Variants in ZNF808 observed in about 807,000 individuals in gnomAD.
ZNF808 encodes zinc finger protein 808.
ZNF808 carries 5 observed loss-of-function variants against 8.7 expected under a neutral mutation model. The ratio of observed to expected loss-of-function variants is 0.58; its 90% CI spans 0.30 to 1.21. The LOEUF (loss-of-function observed/expected upper bound fraction) is 1.21, where lower values mean the gene tolerates loss of function less well. ZNF808 is among the 50% of genes most tolerant of loss of function. The probability of loss-of-function intolerance (pLI) is 0.07; values close to 1 mark genes in which losing one functional copy is unlikely to be tolerated. For missense variants in ZNF808, 1,103 were observed against 1,098.4 expected (o/e 1.00, Z -0.06); for synonymous variants, 380 against 366.0 (o/e 1.04, Z -0.44).
chr19:52,558,994 G>A (rs1407183920), downstream of ZNF808, among the ~76,000 whole-genome samples: 2 of 152,176 alleles, frequency 1.3e-5, no homozygotes, highest in Non-Finnish European at 2.9e-5. Context: ...CACTGCGAAA[G>A]GCCGCAGGAA....
At chr19:52,539,681 G>A (rs2059651755) in intron 2 of ZNF808, among the ~76,000 whole-genome samples, 1 of 149,998 alleles carries the variant, frequency 6.7e-6, no homozygotes. Flanking sequence ...AGCCTCCTGA[G>A]TAGTTATGAT....
At chr19:52,550,147 G>C (rs901296459) in intron 4 of ZNF808, among the ~76,000 whole-genome samples, 1 of 152,026 alleles carries the variant, frequency 6.6e-6, no homozygotes, top group African/African-American at 2.4e-5. Flanking sequence ...CTTACCTTAT[G>C]TGCAAACTGG....
chr19:52,546,840 C>T lies in ZNF808; in HGVS notation c.64-672C>T, dbSNP rs546835480. On this transcript the variant is annotated intron_variant, in intron 3 of 4. Transcript: ENST00000359798. ...TGTATTTTCAGTAGAGATGTGGTTT[C>T]GCCATGTTGGCCAGGAAGGTCTTGA... Among the ~76,000 whole-genome samples the T allele has an allele frequency of 3.4e-4, 52 of 150,952 alleles. 1 individual carries two copies. In the South Asian group the frequency reaches 7.1e-3, roughly 21 times the overall value.
chr19:52,542,116 G>A (rs1389046998), intron 2 of ZNF808, among the ~76,000 whole-genome samples: 4 of 150,160 alleles, frequency 2.7e-5, no homozygotes. Flanking sequence ...TTTTTGAGAC[G>A]AATTTTCACT....
At chr19:52,536,312 G>T (rs1243419074) in intron 2 of ZNF808, among the ~76,000 whole-genome samples, 1 of 152,066 alleles carries the variant, frequency 6.6e-6, no homozygotes, top group Non-Finnish European at 1.5e-5. Context: ...ACCCTGTGCT[G>T]ACTCCACCCA....
At chr19:52,531,667 G>T (rs1359438023) in intron 1 of ZNF808, among the ~76,000 whole-genome samples, 1 of 152,004 alleles carries the variant, frequency 6.6e-6, no homozygotes, top group Non-Finnish European at 1.5e-5. Context: ...TCATATTTTT[G>T]ATGTTTTTAT....
intron 3 of ZNF808, among the ~76,000 whole-genome samples, chr19:52,562,076 A>G (rs1291959941): frequency 6.6e-6 from 1 of 152,112 alleles, no homozygotes; most frequent in East Asian, 1.9e-4. Flanking sequence ...TTGGGAGGCC[A>G]AGGTGGGTAG....
intron 1 of ZNF808, chr19:52,528,048 G>A: frequency 6.5e-6 from 1 of 153,232 alleles, no homozygotes; most frequent in Non-Finnish European, 1.5e-5. Context: ...GCACCTCCCA[G>A]CCACCCCTCG....
intron 1 of ZNF808, among the ~76,000 whole-genome samples, chr19:52,531,022 G>T (rs434709): frequency 0.34 from 51,157 of 151,864 alleles, 9,714 homozygotes; most frequent in East Asian, 0.5. Context: ...GGTGGCATGC[G>T]TCTGTAGTCC....
chr19:52,561,163 TCTCTCTCTCTCTCTCTCTCTC>T (rs1568494872), downstream of ZNF808, among the ~76,000 whole-genome samples: 945 of 67,126 alleles, frequency 0.014, 28 homozygotes, highest in Admixed American at 0.017. Flanking sequence ...ATCTGTTCTC[TCTCTCTCTCTCTCTCTCTCTC>T]TCTCTCTCTC....
intron 3 of ZNF808, among the ~76,000 whole-genome samples, chr19:52,561,380 T>C (rs562380343): frequency 1.4e-4 from 22 of 152,166 alleles, no homozygotes; most frequent in African/African-American, 5.3e-4. Context: ...TTTCTGTGAC[T>C]GGTCATTTTC....
chr19:52,543,059 C>T (rs1331004598), intron 2 of ZNF808, among the ~76,000 whole-genome samples: 9 of 151,978 alleles, frequency 5.9e-5, no homozygotes, highest in Non-Finnish European at 1.3e-4. Context: ...GGCGGCTTCT[C>T]CATGAAGGGA....
chr19:52,537,783 A>T (rs946488731), intron 2 of ZNF808, among the ~76,000 whole-genome samples: 44 of 152,164 alleles, frequency 2.9e-4, no homozygotes, highest in Admixed American at 7.9e-4. Flanking sequence ...TCTGTCTATA[A>T]AATCTAATAA....
chr19:52,535,330 C>CA (rs560559835), intron 2 of ZNF808, among the ~76,000 whole-genome samples: 3,062 of 69,506 alleles, frequency 0.044, 138 homozygotes, highest in African/African-American at 0.098. Flanking sequence ...GACTCCGTCT[C>CA]AAAAAAAAAA....
At chr19:52,544,026 G>T (rs189682003) in intron 3 of ZNF808, among the ~76,000 whole-genome samples, 11 of 152,178 alleles carry the variant, frequency 7.2e-5, no homozygotes, top group African/African-American at 2.6e-4. Context: ...GCATGTGGTG[G>T]TGCATGCCTG....
At chr19:52,548,654 GC>G (rs2059746211) in intron 4 of ZNF808, among the ~76,000 whole-genome samples, 1 of 152,104 alleles carries the variant, frequency 6.6e-6, no homozygotes, top group African/African-American at 2.4e-5. Flanking sequence ...TGATAGCCTG[GC>G]CTGATGTGAT....
rs144248619 is a variant in ZNF808, at chr19:52,554,516, A to G, written c.1600A>G (p.Thr534Ala). 1.3e-4 allele frequency: 208 copies of G among 1,614,030 alleles called. 1 individual carries two copies. The African/African-American group carries it at 2.5e-3, about 19-fold the overall frequency. ...ASLVYHRRLHTLEKSYKCTVC... is the reference protein window; with the variant it reads ...ASLVYHRRLHALEKSYKCTVC... ...CCTTGTATACCATCGTAGACTTCACACTCTAGAGAAATCTTACAAATGTAC... is the reference window on the plus strand; with the variant it reads ...CCTTGTATACCATCGTAGACTTCACGCTCTAGAGAAATCTTACAAATGTAC... Residue 534 changes from threonine (T) to alanine (A), a missense_variant, in exon 5 of 5, where the codon ACT (threonine) becomes GCT (alanine). Transcript: ENST00000359798.
chr19:52,563,927 C>T (rs954171531), exon 4 of ZNF808: 4 of 279,968 alleles, frequency 1.4e-5, no homozygotes, highest in East Asian at 1.3e-4. Flanking sequence ...ACCCGGGAGG[C>T]GGAAGTTTCG....
At chr19:52,535,605 T>A (rs1236218736) in intron 2 of ZNF808, among the ~76,000 whole-genome samples, 4 of 152,116 alleles carry the variant, frequency 2.6e-5, no homozygotes, top group African/African-American at 4.8e-5. Flanking sequence ...CCTAGGGAAG[T>A]CTCTGAAGCT....
Sources: allele counts gnomAD v4.1 joint callset (sites outside exome capture counted in the v4.1 genomes callset), GRCh38; gene constraint gnomAD v4.1.1; transcripts MANE v1.5; gene names NCBI Gene and HGNC (gene_info 2026-07-23, HGNC 2026-07-21).